Variants in ATF7IP2 observed in about 807,000 individuals in gnomAD.
ATF7IP2 encodes activating transcription factor 7 interacting protein 2.
A neutral mutation model predicts 64.2 loss-of-function variants in ATF7IP2; 42 were observed. That is an observed-to-expected ratio of 0.65 (90% CI 0.51 to 0.85). The LOEUF (loss-of-function observed/expected upper bound fraction) is 0.85. ATF7IP2 is among the 40% of genes least tolerant of loss of function. ATF7IP2 has a pLI of 0.00. For missense variants in ATF7IP2, 933 were observed against 784.2 expected, an observed-to-expected ratio of 1.19 and a Z score of -2.27; for synonymous variants, 308 against 272.8, an observed-to-expected ratio of 1.13 and a Z score of -1.27.
chr16:10,474,661 A>C (rs1293005088), intron 12 of ATF7IP2, among the ~76,000 whole-genome samples: 1 of 152,226 alleles, frequency 6.6e-6, no homozygotes, highest in Non-Finnish European at 1.5e-5. Context: ...TTTAATGAAA[A>C]GTATAAACCC....
At chr16:10,444,515 G>A (rs954023111) in intron 8 of ATF7IP2, among the ~76,000 whole-genome samples, 2 of 152,200 alleles carry the variant, frequency 1.3e-5, no homozygotes, top group Non-Finnish European at 1.5e-5. Flanking sequence ...GGTCCTAAGA[G>A]AAGACAAAGT....
chr16:10,440,233 T>G (rs1211346965), intron 7 of ATF7IP2, 131 bp from the exon 8 acceptor site: 2 of 457,770 alleles, frequency 4.4e-6, no homozygotes, highest in Non-Finnish European at 7.8e-6. Flanking sequence ...AGCTTTTGCA[T>G]ATATTAGAAT....
intron 3 of ATF7IP2, among the ~76,000 whole-genome samples, chr16:10,423,395 A>C (rs2048024608): frequency 6.6e-6 from 1 of 152,380 alleles, no homozygotes; most frequent in Non-Finnish European, 1.5e-5. Context: ...ACATTCTTTA[A>C]GTATTTTAAA....
intron 1 of ATF7IP2, among the ~76,000 whole-genome samples, chr16:10,397,579 G>A (rs1403234327): frequency 6.6e-6 from 1 of 152,124 alleles, no homozygotes; most frequent in East Asian, 1.9e-4. Context: ...GAGAGACCGT[G>A]CCTCAAAAGA....
At chr16:10,386,381 G>A (rs752865368) in intron 1 of ATF7IP2, 3 of 152,392 alleles carry the variant, frequency 2.0e-5, no homozygotes, top group African/African-American at 4.8e-5. Flanking sequence ...AGTGGTGTGC[G>A]GCCTCAGGTC....
At chr16:10,443,941 A>G (rs1451792836) in intron 8 of ATF7IP2, among the ~76,000 whole-genome samples, 3 of 152,200 alleles carry the variant, frequency 2.0e-5, no homozygotes, top group Non-Finnish European at 4.4e-5. Context: ...GTGAAAGTCC[A>G]GCCTTGGTAC....
intron 12 of ATF7IP2, among the ~76,000 whole-genome samples, chr16:10,477,912 A>C (rs2050071428): frequency 6.9e-6 from 1 of 144,134 alleles, no homozygotes; most frequent in African/African-American, 2.5e-5. Flanking sequence ...AATTGCTTCA[A>C]AGAGAATAAA....
rs9932051 is a variant in ATF7IP2 at position 10,480,939 on chromosome 16, C to T, written c.1610C>T (p.Thr537Ile). The change falls in exon 13 of 14, where the codon ACC (threonine) becomes ATC (isoleucine). Residue 537 changes from threonine to isoleucine, a missense_variant. Physicochemically the swap from Thr to Ile is moderately conservative, Grantham distance 89 (BLOSUM62 -1). Transcript: ENST00000562102. ...SKAASNSKET[T>I]PLAQNAVQVP... ...GCTGCTTCAAACTCAAAGGAAACAA[C>T]CCCATTGGCACAAAATGCAGTCCAG... The T allele has an allele frequency of 0.035, 57,018 of 1,610,966 alleles. 2,394 individuals are homozygous for T. The highest frequency in any genetic ancestry group is 0.17 in the African/African-American group (12,810 of 74,756).
At chr16:10,454,242 C>G (rs2049090963) in intron 8 of ATF7IP2, 1 of 151,324 alleles carries the variant, frequency 6.6e-6, no homozygotes, top group Non-Finnish European at 1.5e-5. Context: ...AACCCCGTCT[C>G]AACTAAAAAT....
intron 1 of ATF7IP2, among the ~76,000 whole-genome samples, chr16:10,398,990 G>A (rs955848913): frequency 6.6e-6 from 1 of 152,134 alleles, no homozygotes. Flanking sequence ...GTGCATGCCT[G>A]TAATCCCAGC....
intron 8 of ATF7IP2, among the ~76,000 whole-genome samples, chr16:10,443,684 T>G (rs2048706641): frequency 6.6e-6 from 1 of 152,058 alleles, no homozygotes; most frequent in South Asian, 2.1e-4. Context: ...TTTGGTGGAT[T>G]TAGGGAAGGT....
At chr16:10,474,614 C>T (rs897276856) in intron 12 of ATF7IP2, among the ~76,000 whole-genome samples, 12 of 152,038 alleles carry the variant, frequency 7.9e-5, no homozygotes, top group Non-Finnish European at 1.0e-4. Flanking sequence ...GAAATACAGT[C>T]GTGGGGCTGG....
intron 1 of ATF7IP2, among the ~76,000 whole-genome samples, chr16:10,392,511 C>T (rs1015919715): frequency 1.4e-4 from 22 of 151,922 alleles, no homozygotes; most frequent in African/African-American, 5.3e-4. Context: ...ACCCCAGGCC[C>T]AAATGGCATT....
intron 4 of ATF7IP2, among the ~76,000 whole-genome samples, chr16:10,430,234 C>CT (rs934763623): frequency 1.3e-5 from 2 of 151,840 alleles, no homozygotes; most frequent in Admixed American, 1.3e-4. Context: ...TTTATAAAAA[C>CT]TTTTTTTTGT....
intron 8 of ATF7IP2, among the ~76,000 whole-genome samples, chr16:10,456,031 G>C (rs908847870): frequency 2.0e-5 from 3 of 150,376 alleles, no homozygotes; most frequent in East Asian, 1.9e-4. Flanking sequence ...CCAGGCTGGA[G>C]TGCAGTGACA....
At chr16:10,414,296 T>C (rs1596463199) in intron 1 of ATF7IP2, among the ~76,000 whole-genome samples, 1 of 152,130 alleles carries the variant, frequency 6.6e-6, no homozygotes, top group East Asian at 1.9e-4. Context: ...CTTTTTTCTT[T>C]GTCTTTGTTG....
chr16:10,475,905 C>T (rs1567178680), intron 12 of ATF7IP2, among the ~76,000 whole-genome samples: 1 of 152,062 alleles, frequency 6.6e-6, no homozygotes, highest in Non-Finnish European at 1.5e-5. Flanking sequence ...AAGAGATGTA[C>T]TTTAAAAAGG....
intron 9 of ATF7IP2, among the ~76,000 whole-genome samples, chr16:10,467,679 G>A (rs866361028): frequency 1.7e-4 from 25 of 150,772 alleles, no homozygotes; most frequent in African/African-American, 5.1e-4. Flanking sequence ...CGATTCTCCT[G>A]CCTCAGCCTC....
chr16:10,471,184 G>T (rs776951492), intron 9 of ATF7IP2, among the ~76,000 whole-genome samples: 3 of 152,090 alleles, frequency 2.0e-5, no homozygotes, highest in Non-Finnish European at 2.9e-5. Flanking sequence ...ACTCAAAATG[G>T]ATCATACACC....
Sources: allele counts gnomAD v4.1 joint callset (sites outside exome capture counted in the v4.1 genomes callset), GRCh38; gene constraint gnomAD v4.1.1; transcripts MANE v1.5; gene names NCBI Gene and HGNC (gene_info 2026-07-23, HGNC 2026-07-21).